Variants in PDE4D observed in about 807,000 individuals in gnomAD.
The protein encoded by PDE4D is 3',5'-cyclic-AMP phosphodiesterase 4D.
PDE4D carries 24 observed loss-of-function variants against 87.4 expected under a neutral mutation model. The ratio of observed to expected loss-of-function variants is 0.27; its 90% confidence interval spans 0.20 to 0.39. The LOEUF (loss-of-function observed/expected upper bound fraction) is 0.39. Ranked by LOEUF, PDE4D falls within the 10% of genes least tolerant of loss-of-function variation. The pLI is 1.00. For missense variants in PDE4D, 714 were observed against 1,041.0 expected, an observed-to-expected ratio of 0.69 and a Z score of 4.32; for synonymous variants, 384 against 383.2, an observed-to-expected ratio of 1.00 and a Z score of -0.02.
chr5:59,806,027 C>G (rs1767693802), intron 1 of PDE4D, among the ~76,000 whole-genome samples: 1 of 152,178 alleles, frequency 6.6e-6, no homozygotes, highest in Non-Finnish European at 1.5e-5. Context: ...TCTTATCCTC[C>G]TTATCTCCTT....
rs552241665 is a variant in PDE4D, at chr5:60,209,865, G to A, written c.-89-24178C>T. Among the ~76,000 whole-genome samples the A allele has an allele frequency of 2.0e-5, 3 of 152,240 alleles. No individual in the cohort carries two copies. The East Asian group carries it at 5.8e-4, about 29-fold the overall frequency. On this transcript the variant is annotated intron_variant, in intron 1 of 16. Coordinates refer to the PDE4D transcript ENST00000502484. ...TTTGCTTTAAGTTGGGAAATTCTCT[G>A]CAATAATTATCTTAGTTGAGAATTT...
intron 1 of PDE4D, among the ~76,000 whole-genome samples, chr5:59,750,226 G>A (rs906841330): frequency 2.0e-5 from 3 of 151,658 alleles, no homozygotes; most frequent in Non-Finnish European, 4.4e-5. Context: ...CACAGGAGCC[G>A]GGATGATTCT....
At chr5:59,559,450 C>T (rs546227333) in intron 1 of PDE4D, among the ~76,000 whole-genome samples, 8 of 152,056 alleles carry the variant, frequency 5.3e-5, no homozygotes, top group Non-Finnish European at 8.8e-5. Flanking sequence ...TTTAAGGAAA[C>T]GAACAGAAAA....
At chr5:60,090,490 A>C (rs1460952256) in intron 2 of PDE4D, among the ~76,000 whole-genome samples, 1 of 152,204 alleles carries the variant, frequency 6.6e-6, no homozygotes, top group African/African-American at 2.4e-5. Context: ...CCTTCATGAT[A>C]ATAACTGTCA....
chr5:60,101,834 C>A (rs773562151), intron 2 of PDE4D, among the ~76,000 whole-genome samples: 1 of 152,162 alleles, frequency 6.6e-6, no homozygotes, highest in Non-Finnish European at 1.5e-5. Flanking sequence ...AACACCCAAA[C>A]ACACAGCAGT....
intron 1 of PDE4D, among the ~76,000 whole-genome samples, chr5:59,809,955 C>T (rs1036599204): frequency 2.6e-5 from 4 of 152,164 alleles, no homozygotes; most frequent in African/African-American, 7.2e-5. Flanking sequence ...GAATAATACA[C>T]ATATTGAATA....
At chr5:59,590,212 T>C (rs1196069931) in intron 1 of PDE4D, among the ~76,000 whole-genome samples, 2 of 152,192 alleles carry the variant, frequency 1.3e-5, no homozygotes, top group East Asian at 1.9e-4. Flanking sequence ...GCTGATACTT[T>C]ACAAATTTAA....
At chr5:60,323,692 C>T (rs1756513530) in intron 1 of PDE4D, among the ~76,000 whole-genome samples, 2 of 151,844 alleles carry the variant, frequency 1.3e-5, no homozygotes, top group Admixed American at 1.3e-4. Context: ...TCCTTACTAC[C>T]ACCCCAAAGC....
At chr5:59,545,140 T>C (rs990337605) in intron 1 of PDE4D, among the ~76,000 whole-genome samples, 15 of 152,174 alleles carry the variant, frequency 9.9e-5, no homozygotes, top group East Asian at 7.7e-4. Context: ...TTTTGTGGGG[T>C]AACTTTTATT....
chr5:59,762,507 TATGTGTATATGTGTATATGGGTACAC>T (rs1287079297), intron 1 of PDE4D, among the ~76,000 whole-genome samples: 20 of 121,586 alleles, frequency 1.6e-4, no homozygotes, highest in South Asian at 2.5e-4. Flanking sequence ...TGGGTACACA[TATGTGTATATGTGTATATGGGTACAC>T]ATGTGTATAT....
intron 1 of PDE4D, among the ~76,000 whole-genome samples, chr5:59,739,780 C>T (rs1758587678): frequency 6.6e-6 from 1 of 152,056 alleles, no homozygotes; most frequent in South Asian, 2.1e-4. Flanking sequence ...CCAGGATTGA[C>T]CTTCAAGTAT....
chr5:59,160,636 G>A (rs1217010426), intron 5 of PDE4D, among the ~76,000 whole-genome samples: 3 of 152,022 alleles, frequency 2.0e-5, no homozygotes, highest in East Asian at 1.9e-4. Context: ...GAGGCACCAC[G>A]CCTGCCCCCC....
chr5:60,232,941 G>A (rs1234175564), intron 1 of PDE4D, among the ~76,000 whole-genome samples: 4 of 151,730 alleles, frequency 2.6e-5, no homozygotes, highest in African/African-American at 7.2e-5. Context: ...TGCAAACATA[G>A]CAGCAGCCAT....
chr5:59,599,048 C>T (rs951620043), intron 1 of PDE4D, among the ~76,000 whole-genome samples: 3 of 151,954 alleles, frequency 2.0e-5, no homozygotes, highest in Non-Finnish European at 2.9e-5. Flanking sequence ...AGCATATTTG[C>T]TAGGAGGCAT....
chr5:59,951,758 T>G (rs888549534), intron 3 of PDE4D, among the ~76,000 whole-genome samples: 3 of 152,226 alleles, frequency 2.0e-5, no homozygotes, highest in South Asian at 4.1e-4. Flanking sequence ...AGCAACTTAA[T>G]GTATTTTGTC....
At chr5:59,287,718 C>G (rs112396751) in intron 1 of PDE4D, among the ~76,000 whole-genome samples, 6,359 of 149,626 alleles carry the variant, frequency 0.042, 163 homozygotes, top group African/African-American at 0.076. Context: ...GAGACACACA[C>G]AGAGAGAGAG....
intron 3 of PDE4D, among the ~76,000 whole-genome samples, chr5:59,909,608 CA>C: frequency 6.6e-6 from 1 of 152,224 alleles, no homozygotes; most frequent in South Asian, 2.1e-4. Flanking sequence ...TTGTCTCAAA[CA>C]CCTGGACTCA....
intron 1 of PDE4D, among the ~76,000 whole-genome samples, chr5:59,641,215 G>C (rs1741527398): frequency 6.6e-6 from 1 of 152,108 alleles, no homozygotes. Context: ...TTGGCTGAAA[G>C]CTATTTAATG....
intron 1 of PDE4D, among the ~76,000 whole-genome samples, chr5:59,739,595 C>T (rs1269372034): frequency 1.3e-5 from 2 of 152,056 alleles, no homozygotes; most frequent in Non-Finnish European, 1.5e-5. Context: ...TTTATAAATA[C>T]TTAACTATAA....
Sources: gnomAD v4.1 joint callset for allele counts (sites outside exome capture counted in the v4.1 genomes callset) on GRCh38, gnomAD v4.1.1 for gene constraint, MANE v1.5 for transcripts, NCBI Gene and HGNC (gene_info 2026-07-23, HGNC 2026-07-21) for gene names.